The following SH3BP5 variants were observed in gnomAD, a reference collection of about 807,000 sequenced individuals.
SH3BP5 encodes the protein SH3 domain-binding protein 5.
A neutral mutation model predicts 43.3 loss-of-function variants in SH3BP5; 22 were observed. That is an observed-to-expected ratio of 0.51 (90% CI 0.36 to 0.73). The LOEUF (loss-of-function observed/expected upper bound fraction) is 0.73, where lower values mean the gene tolerates loss of function less well. Ranked by LOEUF, SH3BP5 falls within the 30% of genes least tolerant of loss-of-function variation. SH3BP5 has a pLI of 0.00. For synonymous variants in SH3BP5, 255 were observed against 225.8 expected, an observed-to-expected ratio of 1.13 and a Z score of -1.16; for missense variants, 529 against 586.9, an observed-to-expected ratio of 0.90 and a Z score of 1.02.
rs553890082 is a variant in SH3BP5, at chr3:15,300,324, A to G, written c.330+3779T>C. ...TCACTTAAATCCTAAGGCCAACCTC[A>G]TGAGATAGCCAGGGCTGTTCCCTTG... On this transcript the variant is annotated intron_variant, in intron 3 of 8. Coordinates refer to ENST00000383791, the MANE Select transcript of SH3BP5 (RefSeq NM_004844.5). 5.9e-5 allele frequency among the ~76,000 whole-genome samples: 9 copies of G among 152,310 alleles called. No homozygotes were observed. The South Asian group carries it at 1.9e-3, about 32-fold the overall frequency.
chr3:15,326,190 C>T (rs1308217804), intron 2 of SH3BP5, among the ~76,000 whole-genome samples: 3 of 152,180 alleles, frequency 2.0e-5, no homozygotes, highest in African/African-American at 7.2e-5. Flanking sequence ...GGACCCAGCA[C>T]TGTTCAAATA....
At chr3:15,280,858 T>G (rs750723728) in intron 3 of SH3BP5, among the ~76,000 whole-genome samples, 15 of 152,170 alleles carry the variant, frequency 9.9e-5, no homozygotes, top group Non-Finnish European at 2.9e-5. Context: ...CCAGCATCTC[T>G]TAAGACACAC....
chr3:15,267,865 AGATTAAAT>A (rs1696687167), intron 4 of SH3BP5, among the ~76,000 whole-genome samples: 1 of 152,226 alleles, frequency 6.6e-6, no homozygotes. Context: ...TTTAAACAAC[AGATTAAAT>A]GACTTCTGAA....
At chr3:15,283,014 A>G (rs1697170081) in intron 3 of SH3BP5, among the ~76,000 whole-genome samples, 2 of 152,362 alleles carry the variant, frequency 1.3e-5, no homozygotes, top group East Asian at 3.9e-4. Context: ...AAAACTCAAG[A>G]AAACGCTTAC....
At chr3:15,320,887 G>C (rs2125133932) in intron 2 of SH3BP5, among the ~76,000 whole-genome samples, 1 of 152,328 alleles carries the variant, frequency 6.6e-6, no homozygotes, top group African/African-American at 2.4e-5. Flanking sequence ...TTGTAGGAAA[G>C]TCGGCGTGTA....
At chr3:15,256,645 TC>T (rs951650497) in intron 8 of SH3BP5, 13 of 618,180 alleles carry the variant, frequency 2.1e-5, no homozygotes, top group Non-Finnish European at 3.6e-5. Flanking sequence ...GGACCTAAGC[TC>T]TACTTTATAG....
intron 3 of SH3BP5, among the ~76,000 whole-genome samples, chr3:15,272,308 T>A (rs1366625518): frequency 6.6e-6 from 1 of 152,148 alleles, no homozygotes; most frequent in African/African-American, 2.4e-5. Flanking sequence ...GAACCAAGCA[T>A]GGAGTGGACA....
At chr3:15,303,717 A>G (rs1697818775) in intron 3 of SH3BP5, among the ~76,000 whole-genome samples, 1 of 152,160 alleles carries the variant, frequency 6.6e-6, no homozygotes, top group African/African-American at 2.4e-5. Context: ...AAAAAGAAGA[A>G]GAACCGATGT....
chr3:15,279,069 C>T (rs1009594122), intron 3 of SH3BP5, among the ~76,000 whole-genome samples: 5 of 152,070 alleles, frequency 3.3e-5, no homozygotes, highest in Non-Finnish European at 5.9e-5. Context: ...ACTCAGGGGG[C>T]TGAGGCAGTA....
In SH3BP5 at chr3:15,255,714, C is replaced by T. The variant is rs1343912785; in HGVS notation, c.*372G>A. 1 of 177,142 alleles carries T rather than the reference C, an allele frequency of 5.6e-6. No homozygotes were observed. Among genetic ancestry groups the T allele is most frequent in the African/African-American group, 2.4e-5 (1 of 42,180 alleles). The allele number at this position is 177,142 out of a possible 1,614,324, so 11.0% of individuals were successfully genotyped here. A position where few individuals can be genotyped will look rare whatever the true frequency, so the allele number is the denominator to read the frequency against. Reference sequence around the variant, plus strand: ...GAGAGGACATCTCCATTTTCCCATACAAACTGAGGGTGAGAAGAGAAAGAG... The same window carrying T: ...GAGAGGACATCTCCATTTTCCCATATAAACTGAGGGTGAGAAGAGAAAGAG... On this transcript the variant is annotated 3_prime_UTR_variant, in exon 9 of 9. Coordinates refer to ENST00000383791, the MANE Select transcript of SH3BP5 (RefSeq NM_004844.5).
At chr3:15,309,911 C>A (rs1031149681) in intron 2 of SH3BP5, among the ~76,000 whole-genome samples, 27 of 151,460 alleles carry the variant, frequency 1.8e-4, no homozygotes, top group Middle Eastern at 3.4e-3. Flanking sequence ...GCTCCACCCC[C>A]CCCCCATAAG....
At chr3:15,314,201 C>A (rs1698130682) in intron 2 of SH3BP5, among the ~76,000 whole-genome samples, 1 of 151,742 alleles carries the variant, frequency 6.6e-6, no homozygotes, top group African/African-American at 2.4e-5. Flanking sequence ...GGCGCGATCT[C>A]GGCTCACTGC....
At position 15,269,702 on chromosome 3, in the gene SH3BP5, A is replaced by G. The variant is rs1234617916; in HGVS notation, c.495+11T>C. Reference sequence around the variant, plus strand: ...GCACACCCCCACAGCACACCCGGCCATGACTCATACCCTCTGAGTGGCGTG... The same window carrying G: ...GCACACCCCCACAGCACACCCGGCCGTGACTCATACCCTCTGAGTGGCGTG... On this transcript the variant is annotated intron_variant, in intron 4 of 8. Coordinates refer to ENST00000383791, the MANE Select transcript of SH3BP5 (RefSeq NM_004844.5). The G allele has an allele frequency of 1.3e-6, 2 of 1,567,388 alleles. No homozygotes were observed. The highest frequency in any genetic ancestry group is 2.3e-5 in the East Asian group (1 of 43,886).
chr3:15,303,181 C>A (rs1007750033), intron 3 of SH3BP5, among the ~76,000 whole-genome samples: 5 of 152,148 alleles, frequency 3.3e-5, no homozygotes, highest in Non-Finnish European at 5.9e-5. Context: ...ATAAACACAC[C>A]ACAGGGACAG....
intron 3 of SH3BP5, among the ~76,000 whole-genome samples, chr3:15,301,061 A>G (rs1697725008): frequency 6.6e-6 from 1 of 152,174 alleles, no homozygotes; most frequent in Non-Finnish European, 1.5e-5. Flanking sequence ...CCTCCCAGCC[A>G]GCTCCCTCCT....
chr3:15,257,864 T>C (rs1696277347), intron 7 of SH3BP5, among the ~76,000 whole-genome samples: 1 of 152,198 alleles, frequency 6.6e-6, no homozygotes, highest in Admixed American at 6.5e-5. Context: ...AAAAACAGCC[T>C]TGTAGCATTC....
intron 2 of SH3BP5, among the ~76,000 whole-genome samples, chr3:15,311,820 C>T (rs913013147): frequency 6.6e-6 from 1 of 151,956 alleles, no homozygotes; most frequent in African/African-American, 2.4e-5. Context: ...ACTAGAGGCA[C>T]GTATGACCAC....
intron 1 of SH3BP5, among the ~76,000 whole-genome samples, chr3:15,331,109 T>C (rs780559065): frequency 5.3e-5 from 8 of 152,224 alleles, no homozygotes; most frequent in Non-Finnish European, 1.2e-4. Context: ...TTCCTTTCAA[T>C]AAACATTTAC....
intron 3 of SH3BP5, among the ~76,000 whole-genome samples, chr3:15,280,159 C>T (rs897281021): frequency 6.6e-6 from 1 of 152,148 alleles, no homozygotes; most frequent in African/African-American, 2.4e-5. Flanking sequence ...AGCAGGCCTC[C>T]GGGAACGACG....
Sources: gnomAD v4.1 joint callset for allele counts (sites outside exome capture counted in the v4.1 genomes callset) on GRCh38, gnomAD v4.1.1 for gene constraint, MANE v1.5 for transcripts, NCBI Gene and HGNC (gene_info 2026-07-23, HGNC 2026-07-21) for gene names.